The following CNBD1 variants were observed in gnomAD, a reference collection of about 807,000 sequenced individuals.
The protein encoded by CNBD1 is cyclic nucleotide-binding domain-containing protein 1.
Under a neutral mutation model 54.4 loss-of-function variants are expected in CNBD1, and 71 were observed. The observed-to-expected ratio is 1.30, with a 90% CI of 1.08 to 1.59. The LOEUF (loss-of-function observed/expected upper bound fraction) is 1.59, where lower values mean the gene tolerates loss of function less well. CNBD1 is among the 40% of genes most tolerant of loss of function. The pLI is 0.00. For missense variants in CNBD1, 659 were observed against 518.0 expected (o/e 1.27, Z -2.64); for synonymous variants, 182 against 170.7 (o/e 1.07, Z -0.51).
chr8:87,245,451 G>A (rs7825836), intron 6 of CNBD1, among the ~76,000 whole-genome samples: 1,737 of 126,856 alleles, frequency 0.014, 36 homozygotes, highest in African/African-American at 0.05. Context: ...AAATACAATT[G>A]AAGCTTTTGT....
intron 8 of CNBD1, among the ~76,000 whole-genome samples, chr8:87,317,746 C>G (rs1809420391): frequency 6.6e-6 from 1 of 151,776 alleles, no homozygotes; most frequent in African/African-American, 2.4e-5. Context: ...TAGTTTTTAT[C>G]AAATATTGGG....
At chr8:87,393,398 TA>T (rs1340542361) in intron 2 of CNBD1, among the ~76,000 whole-genome samples, 1 of 151,860 alleles carries the variant, frequency 6.6e-6, no homozygotes, top group African/African-American at 2.4e-5. Context: ...ACTAAAGAAA[TA>T]AAGATCAGGA....
chr8:87,237,815 T>C (rs993478656), intron 6 of CNBD1, among the ~76,000 whole-genome samples: 1 of 151,926 alleles, frequency 6.6e-6, no homozygotes, highest in Non-Finnish European at 1.5e-5. Flanking sequence ...AGAACTAATA[T>C]CATATTCAAG....
chr8:86,897,625 A>T (rs1051657632), intron 2 of CNBD1, among the ~76,000 whole-genome samples: 19 of 152,338 alleles, frequency 1.2e-4, no homozygotes, highest in African/African-American at 4.1e-4. Flanking sequence ...AATTCCAGAA[A>T]TGTCACCAGT....
intron 2 of CNBD1, among the ~76,000 whole-genome samples, chr8:87,393,720 T>C (rs897350130): frequency 5.3e-5 from 8 of 151,892 alleles, no homozygotes; most frequent in African/African-American, 1.9e-4. Context: ...TTAAGAACTA[T>C]GCCTGAGAAG....
At chr8:86,958,271 G>A (rs61207511) in intron 4 of CNBD1, among the ~76,000 whole-genome samples, 21,671 of 152,140 alleles carry the variant, frequency 0.14, 2,191 homozygotes, top group African/African-American at 0.29. Flanking sequence ...TTTTGGAATA[G>A]GTCAGATGTG....
intron 4 of CNBD1, among the ~76,000 whole-genome samples, chr8:86,995,464 C>T (rs905678737): frequency 6.6e-6 from 1 of 152,066 alleles, no homozygotes; most frequent in Non-Finnish European, 1.5e-5. Context: ...ATTCCTGACC[C>T]CTGACATAAA....
At chr8:87,379,654 G>C (rs1047565608) in intron 10 of CNBD1, among the ~76,000 whole-genome samples, 5 of 151,942 alleles carry the variant, frequency 3.3e-5, no homozygotes, top group Non-Finnish European at 7.4e-5. Flanking sequence ...GGTCATAAAA[G>C]TGCATATTAA....
intron 4 of CNBD1, among the ~76,000 whole-genome samples, chr8:86,965,132 C>A (rs1042235566): frequency 3.9e-5 from 6 of 152,088 alleles, no homozygotes; most frequent in African/African-American, 1.4e-4. Flanking sequence ...ATGACTAAGC[C>A]AAATGCTCAT....
intron 4 of CNBD1, among the ~76,000 whole-genome samples, chr8:86,954,106 A>G (rs1159369920): frequency 2.0e-5 from 3 of 152,198 alleles, no homozygotes; most frequent in African/African-American, 7.2e-5. Flanking sequence ...CTTCCAAACA[A>G]TTTATCTCAT....
intron 6 of CNBD1, among the ~76,000 whole-genome samples, chr8:87,240,572 C>G (rs562314897): frequency 6.6e-6 from 1 of 152,254 alleles, no homozygotes; most frequent in South Asian, 2.1e-4. Flanking sequence ...GCTTGATACT[C>G]AGCTTATGCC....
intron 2 of CNBD1, among the ~76,000 whole-genome samples, chr8:87,412,749 G>A (rs1006095982): frequency 3.9e-5 from 6 of 152,142 alleles, no homozygotes; most frequent in Non-Finnish European, 5.9e-5. Context: ...GTACTTTTCC[G>A]AAGAAGATTT....
At chr8:87,386,703 A>C (rs1811197211), downstream of CNBD1, among the ~76,000 whole-genome samples, 1 of 152,244 alleles carries the variant, frequency 6.6e-6, no homozygotes, top group African/African-American at 2.4e-5. Context: ...AACCAGGAGA[A>C]CTTCCCCAAT....
At chr8:87,407,660 G>C (rs1424497012) in intron 2 of CNBD1, among the ~76,000 whole-genome samples, 1 of 151,828 alleles carries the variant, frequency 6.6e-6, no homozygotes, top group Non-Finnish European at 1.5e-5. Context: ...GTCAGCTATT[G>C]GTTTTTTCCT....
At chr8:86,910,279 T>C (rs1193167485) in intron 3 of CNBD1, among the ~76,000 whole-genome samples, 3 of 152,206 alleles carry the variant, frequency 2.0e-5, no homozygotes, top group African/African-American at 7.2e-5. Flanking sequence ...TCTCTACTTC[T>C]CATCCCTGCT....
intron 4 of CNBD1, among the ~76,000 whole-genome samples, chr8:87,073,824 G>A (rs546928042): frequency 5.9e-5 from 9 of 152,214 alleles, no homozygotes; most frequent in East Asian, 3.9e-4. Flanking sequence ...AGTCTGGGCC[G>A]GGTGCAGTGG....
At chr8:86,875,481 G>A (rs1808507312) in intron 1 of CNBD1, among the ~76,000 whole-genome samples, 1 of 152,156 alleles carries the variant, frequency 6.6e-6, no homozygotes, top group African/African-American at 2.4e-5. Flanking sequence ...AAGCCACTTT[G>A]GCAAGTACTC....
downstream of CNBD1, among the ~76,000 whole-genome samples, chr8:87,386,514 G>T (rs188415147): frequency 3.9e-5 from 6 of 152,254 alleles, no homozygotes; most frequent in East Asian, 1.2e-3. Context: ...ATGGGTATCA[G>T]TGATTGAAGA....
At chr8:87,375,037 G>C (rs1017907857) in intron 10 of CNBD1, among the ~76,000 whole-genome samples, 2 of 151,206 alleles carry the variant, frequency 1.3e-5, no homozygotes, top group African/African-American at 4.9e-5. Context: ...TTATTCTTTT[G>C]TCCTTAACAT....
Sources: allele counts gnomAD v4.1 joint callset (sites outside exome capture counted in the v4.1 genomes callset), GRCh38; gene constraint gnomAD v4.1.1; transcripts MANE v1.5; gene names NCBI Gene and HGNC (gene_info 2026-07-23, HGNC 2026-07-21).